DOK6: variants seen among roughly 807,000 people sequenced by gnomAD.
The protein encoded by DOK6 is docking protein 6.
DOK6 carries 22 observed loss-of-function variants against 44.0 expected under a neutral mutation model. The observed-to-expected ratio is 0.50, with a 90% CI of 0.36 to 0.71. DOK6 has a LOEUF of 0.71. Ranked by LOEUF, DOK6 falls within the 30% of genes least tolerant of loss-of-function variation. The pLI is 0.00. For synonymous variants in DOK6, 166 were observed against 145.5 expected (o/e 1.14, Z -1.01); for missense variants, 340 against 416.4 (o/e 0.82, Z 1.60).
intron 2 of DOK6, among the ~76,000 whole-genome samples, chr18:69,599,135 G>C (rs991395946): frequency 6.6e-6 from 1 of 152,144 alleles, no homozygotes; most frequent in African/African-American, 2.4e-5. Context: ...AAAGTCCATA[G>C]AACCCTTCTA....
Position 69,847,543 on chromosome 18 carries a change from CAAAG to C in DOK6, c.*6164_*6167del, listed in dbSNP as rs1419856426. 1 of 151,982 alleles carries C rather than the reference CAAAG, an allele frequency of 6.6e-6. No homozygotes were observed. Among genetic ancestry groups the C allele is most frequent in the Non-Finnish European group, 1.5e-5 (1 of 67,998 alleles). 9.4% of individuals were successfully genotyped at this position (151,982 alleles called of 1,614,324 possible). A position where few individuals can be genotyped will look rare whatever the true frequency, so the allele number is the denominator to read the frequency against. On this transcript the variant is annotated 3_prime_UTR_variant, in exon 8 of 8. Coordinates refer to ENST00000382713, the MANE Select transcript of DOK6 (RefSeq NM_152721.6). ...TTTTAAGTCACTGCAGGATTTCTCT[CAAAG>C]AAAACATCTGAAAATGGTTGAGAAA...
chr18:69,494,207 G>C (rs957904514), intron 1 of DOK6, among the ~76,000 whole-genome samples: 13 of 152,202 alleles, frequency 8.5e-5, no homozygotes, highest in Non-Finnish European at 2.9e-5. Context: ...CAGGCTTGGT[G>C]GCTCATGCCT....
chr18:69,821,043 T>A (rs1981553045), intron 7 of DOK6, among the ~76,000 whole-genome samples: 2 of 152,162 alleles, frequency 1.3e-5, no homozygotes, highest in African/African-American at 4.8e-5. Flanking sequence ...CCCCTGAACT[T>A]AAAATAAAAA....
intron 5 of DOK6, among the ~76,000 whole-genome samples, chr18:69,703,939 A>G (rs1176620259): frequency 6.6e-6 from 1 of 152,148 alleles, no homozygotes; most frequent in Non-Finnish European, 1.5e-5. Flanking sequence ...TAAGAAGGAG[A>G]AAGAAACCTC....
intron 6 of DOK6, among the ~76,000 whole-genome samples, chr18:69,753,646 A>G (rs908961405): frequency 4.6e-5 from 7 of 152,252 alleles, no homozygotes; most frequent in African/African-American, 1.4e-4. Flanking sequence ...GATGGCAAGT[A>G]TATCAAGAAC....
intron 3 of DOK6, among the ~76,000 whole-genome samples, chr18:69,624,971 A>T (rs1276947935): frequency 2.0e-4 from 31 of 152,108 alleles, no homozygotes; most frequent in Admixed American, 1.8e-3. Context: ...TCACCTAAAA[A>T]TTTTTATTAA....
intron 1 of DOK6, among the ~76,000 whole-genome samples, chr18:69,440,269 A>G (rs77922275): frequency 0.011 from 1,680 of 152,292 alleles, 16 homozygotes; most frequent in Non-Finnish European, 0.016. Flanking sequence ...TTGATCACAG[A>G]TCACCATGGC....
chr18:69,712,263 A>C (rs1986777103), intron 5 of DOK6, among the ~76,000 whole-genome samples: 1 of 112,052 alleles, frequency 8.9e-6, no homozygotes, highest in African/African-American at 3.5e-5. Context: ...CCTGGGCGAC[A>C]GAGCGAGACT....
At chr18:69,473,223 A>G (rs1382520430) in intron 1 of DOK6, among the ~76,000 whole-genome samples, 1 of 152,212 alleles carries the variant, frequency 6.6e-6, no homozygotes, top group Non-Finnish European at 1.5e-5. Flanking sequence ...TTAAATTTGA[A>G]TGTCAGGTAA....
chr18:69,774,137 T>TATATATATATATATATATATATATGAG (rs2144768748), intron 7 of DOK6, among the ~76,000 whole-genome samples: 1 of 118,220 alleles, frequency 8.5e-6, no homozygotes, highest in African/African-American at 3.7e-5. Flanking sequence ...ATATGAGATA[T>TATATATATATATATATATATATATGAG]ATATATATAT....
intron 1 of DOK6, among the ~76,000 whole-genome samples, chr18:69,517,695 C>T (rs970875315): frequency 4.7e-5 from 7 of 150,008 alleles, no homozygotes; most frequent in African/African-American, 1.5e-4. Context: ...GAATTGTATA[C>T]AATCTGTATT....
At chr18:69,772,910 G>A (rs895544367) in intron 7 of DOK6, among the ~76,000 whole-genome samples, 2 of 151,878 alleles carry the variant, frequency 1.3e-5, no homozygotes, top group African/African-American at 2.4e-5. Flanking sequence ...GTCAACCTGT[G>A]GAATGGAAGA....
chr18:69,658,708 T>C (rs1985433077), intron 3 of DOK6, among the ~76,000 whole-genome samples: 1 of 152,180 alleles, frequency 6.6e-6, no homozygotes, highest in Non-Finnish European at 1.5e-5. Context: ...TGAGTCTTTT[T>C]CTGCTGTCTT....
At chr18:69,645,642 A>G (rs1474980124) in intron 3 of DOK6, among the ~76,000 whole-genome samples, 3 of 152,172 alleles carry the variant, frequency 2.0e-5, no homozygotes, top group African/African-American at 7.2e-5. Context: ...ATGCATTCTT[A>G]CTATATAACC....
At chr18:69,460,269 G>A (rs143047020) in intron 1 of DOK6, among the ~76,000 whole-genome samples, 4 of 152,220 alleles carry the variant, frequency 2.6e-5, no homozygotes, top group African/African-American at 9.6e-5. Context: ...ATCATCAATC[G>A]TTGGGTGAAA....
chr18:69,479,603 A>T (rs1267728549), intron 1 of DOK6, among the ~76,000 whole-genome samples: 1 of 152,298 alleles, frequency 6.6e-6, no homozygotes, highest in East Asian at 1.9e-4. Context: ...GAACCAATTC[A>T]TTAATACAAG....
chr18:69,401,197 G>C lies in DOK6; in HGVS notation c.-48G>C. On this transcript the variant is annotated 5_prime_UTR_variant, in exon 1 of 8. Transcript: ENST00000382713. The stretch of plus-strand genomic sequence containing the variant: ...GACCCGGCGGCGGACGGCGGCTCTC[G>C]ACTCCGGAGAGCGGATCGCGGGGCG... 1 of 1,508,296 alleles carries C rather than the reference G, an allele frequency of 6.6e-7. No individual in the cohort carries two copies. Among genetic ancestry groups the C allele is most frequent in the Non-Finnish European group, 8.9e-7 (1 of 1,128,204 alleles). 93.4% of individuals were successfully genotyped at this position (1,508,296 alleles called of 1,614,324 possible). A position where few individuals can be genotyped will look rare whatever the true frequency, so the allele number is the denominator to read the frequency against.
chr18:69,741,573 C>T (rs1006081688), intron 6 of DOK6, among the ~76,000 whole-genome samples: 2 of 152,214 alleles, frequency 1.3e-5, no homozygotes, highest in South Asian at 2.1e-4. Context: ...ACACAGCTCA[C>T]TGCAGCCTCA....
chr18:69,561,774 G>T (rs573185470), intron 1 of DOK6, among the ~76,000 whole-genome samples: 1 of 152,154 alleles, frequency 6.6e-6, no homozygotes, highest in African/African-American at 2.4e-5. Context: ...ATCAACTTAC[G>T]GATATGCTTG....
Sources: allele counts gnomAD v4.1 joint callset (sites outside exome capture counted in the v4.1 genomes callset), GRCh38; gene constraint gnomAD v4.1.1; transcripts MANE v1.5; gene names NCBI Gene and HGNC (gene_info 2026-07-23, HGNC 2026-07-21).